The following ULK4 variants were observed in gnomAD, a reference collection of about 807,000 sequenced individuals.
ULK4 encodes the protein unc-51 like kinase 4.
ULK4 carries 133 observed loss-of-function variants against 160.6 expected under a neutral mutation model. The observed-to-expected ratio is 0.83, with a 90% CI of 0.72 to 0.96. The LOEUF (loss-of-function observed/expected upper bound fraction) is 0.96, where lower values mean the gene tolerates loss of function less well. ULK4 is among the 40% of genes least tolerant of loss of function. ULK4 has a pLI of 0.00. For synonymous variants in ULK4, 534 were observed against 539.8 expected (o/e 0.99, Z 0.15); for missense variants, 1,580 against 1,499.5 (o/e 1.05, Z -0.89).
At chr3:41,443,577 C>T (rs2083221547) in intron 34 of ULK4, among the ~76,000 whole-genome samples, 1 of 152,050 alleles carries the variant, frequency 6.6e-6, no homozygotes, top group Non-Finnish European at 1.5e-5. Context: ...GTAATTACTT[C>T]CAGTTAACAT....
intron 30 of ULK4, among the ~76,000 whole-genome samples, chr3:41,650,417 G>A (rs1361915975): frequency 2.0e-5 from 3 of 152,154 alleles, no homozygotes; most frequent in Non-Finnish European, 4.4e-5. Context: ...ACCCTCCTTG[G>A]GGCTCTGGGG....
At chr3:41,414,441 C>T (rs1474561904) in intron 34 of ULK4, among the ~76,000 whole-genome samples, 3 of 150,654 alleles carry the variant, frequency 2.0e-5, no homozygotes, top group Admixed American at 6.6e-5. Flanking sequence ...ATTTACTTTC[C>T]GTTATCCAAT....
At chr3:41,806,354 G>A (rs1304558730) in intron 19 of ULK4, among the ~76,000 whole-genome samples, 2 of 152,046 alleles carry the variant, frequency 1.3e-5, no homozygotes, top group Non-Finnish European at 2.9e-5. Context: ...TTTTTATTGA[G>A]TCTATTTGAT....
At chr3:41,559,291 A>C (rs200123677) in intron 32 of ULK4, among the ~76,000 whole-genome samples, 1 of 118,304 alleles carries the variant, frequency 8.5e-6, no homozygotes, top group Non-Finnish European at 2.0e-5. Context: ...GGACATTTGG[A>C]TTGGTTCCAA....
In ULK4 at chr3:41,550,572, A is replaced by T. The variant is rs144512800; in HGVS notation, c.3226+15453T>A. ...ATCATTACATAACAATAAAGGAATCAATTCAGCAAGAGGATATAACAATTC... is the reference window on the plus strand; with the variant it reads ...ATCATTACATAACAATAAAGGAATCTATTCAGCAAGAGGATATAACAATTC... On this transcript the variant is annotated intron_variant, in intron 32 of 36. Coordinates refer to ENST00000301831, the MANE Select transcript of ULK4 (RefSeq NM_017886.4). 7.7e-3 allele frequency among the ~76,000 whole-genome samples: 1,179 copies of T among 152,184 alleles called. 11 individuals are homozygous for T. Among genetic ancestry groups the T allele is most frequent in the Middle Eastern group, 0.034 (10 of 294 alleles).
At chr3:41,874,070 A>G (rs191786356) in intron 17 of ULK4, among the ~76,000 whole-genome samples, 321 of 152,268 alleles carry the variant, frequency 2.1e-3, no homozygotes, top group African/African-American at 7.5e-3. Flanking sequence ...CATATATCTC[A>G]GAAAGTGCAA....
In ULK4 at chr3:41,696,056, G is replaced by A. The variant is rs142901641; in HGVS notation, c.2781+9001C>T. Among the ~76,000 whole-genome samples the A allele has an allele frequency of 5.8e-3, 884 of 152,304 alleles. 5 individuals are homozygous for A. The highest frequency in any genetic ancestry group is 9.3e-3 in the Admixed American group (143 of 15,300). On this transcript the variant is annotated intron_variant, in intron 27 of 36. Transcript: ENST00000301831. ...CCAAGCGGACCGTGGTCTAGCAGTA[G>A]CCTCAGTGTCAAGGAAAAACACCCA...
chr3:41,521,622 ACTTAT>A (rs2085934792), intron 32 of ULK4, among the ~76,000 whole-genome samples: 1 of 152,136 alleles, frequency 6.6e-6, no homozygotes, highest in African/African-American at 2.4e-5. Context: ...AAATCTAATC[ACTTAT>A]CTTGGATTTC....
intron 35 of ULK4, among the ~76,000 whole-genome samples, chr3:41,271,128 G>A (rs1440831809): frequency 1.3e-5 from 2 of 151,918 alleles, no homozygotes; most frequent in Non-Finnish European, 2.9e-5. Context: ...TTGGATATAC[G>A]TATACAATTG....
At chr3:41,836,875 A>G (rs1369715759) in intron 17 of ULK4, among the ~76,000 whole-genome samples, 1 of 152,188 alleles carries the variant, frequency 6.6e-6, no homozygotes, top group East Asian at 1.9e-4. Flanking sequence ...AGGTTAATCA[A>G]ATCATAGTGC....
rs757130019 is a variant in ULK4, at chr3:41,900,846, A to C, written c.1183-17T>G. 3 of 1,594,210 alleles carry C rather than the reference A, an allele frequency of 1.9e-6. No individual in the cohort carries two copies. Among genetic ancestry groups the C allele is most frequent in the South Asian group, 2.2e-5 (2 of 90,370 alleles). On this transcript the variant is annotated splice_polypyrimidine_tract_variant and intron_variant, in intron 12 of 36. Transcript: ENST00000301831. Reference sequence around the variant, plus strand: ...ACTTGTAATCTGAAATGAGAACAAAAATTAGACTTTGTTTCTGCGACTAAT... The same window carrying C: ...ACTTGTAATCTGAAATGAGAACAAACATTAGACTTTGTTTCTGCGACTAAT...
At chr3:41,700,164 T>C (rs1163531364) in intron 27 of ULK4, among the ~76,000 whole-genome samples, 3 of 152,086 alleles carry the variant, frequency 2.0e-5, no homozygotes, top group Non-Finnish European at 4.4e-5. Context: ...AGATAAAATA[T>C]AAAGACCCTA....
rs2041749154 is a variant in ULK4 at position 41,836,107 on chromosome 3, G to A, written c.1657-136C>T. 4 of 599,598 alleles carry A rather than the reference G, an allele frequency of 6.7e-6. No homozygotes were observed. The African/African-American group carries it at 7.6e-5, about 11-fold the overall frequency. 37.1% of individuals were successfully genotyped at this position (599,598 alleles called of 1,614,324 possible). On this transcript the variant is annotated intron_variant, in intron 17 of 36. Coordinates refer to ENST00000301831, the MANE Select transcript of ULK4 (RefSeq NM_017886.4). ...TTTTCCAAATTATTTTCAAAATATG[G>A]GCCTTATATTCCTGAAAATACAGTA...
Position 41,681,805 on chromosome 3 carries a change from C to A in ULK4, c.2782-1G>T, listed in dbSNP as rs1302614074. On this transcript the variant is annotated splice_acceptor_variant, in intron 27 of 36. Transcript: ENST00000301831. LOFTEE classifies it high-confidence loss of function. Reference sequence around the variant, plus strand: ...AGGGTGGCAGTATATAGTCAACAACCTAAAAGAAAGCATGTAAAAGACTCA... The same window carrying A: ...AGGGTGGCAGTATATAGTCAACAACATAAAAGAAAGCATGTAAAAGACTCA... 1.2e-6 allele frequency: 2 copies of A among 1,613,714 alleles called. No homozygotes were observed. Among genetic ancestry groups the A allele is most frequent in the Non-Finnish European group, 1.7e-6 (2 of 1,179,876 alleles).
chr3:41,582,808 T>C (rs151313337), intron 31 of ULK4, among the ~76,000 whole-genome samples: 7 of 152,396 alleles, frequency 4.6e-5, no homozygotes, highest in African/African-American at 9.6e-5. Context: ...AGGTTAGTAC[T>C]ATTACTGATT....
At chr3:41,577,100 G>A (rs2088217243) in intron 31 of ULK4, among the ~76,000 whole-genome samples, 1 of 152,144 alleles carries the variant, frequency 6.6e-6, no homozygotes, top group Non-Finnish European at 1.5e-5. Context: ...AGAGGTACTA[G>A]TAAATCCTGC....
chr3:41,918,624 T>C (rs1355897907), intron 6 of ULK4, 84 bp from the exon 7 acceptor site: 108 of 654,942 alleles, frequency 1.6e-4, no homozygotes, highest in Admixed American at 2.7e-4. Context: ...TTTTTTGAGA[T>C]GGAGTCTTGC....
chr3:41,659,666 C>G (rs897118349), intron 30 of ULK4, among the ~76,000 whole-genome samples: 4 of 143,568 alleles, frequency 2.8e-5, no homozygotes, highest in Admixed American at 1.4e-4. Flanking sequence ...AGAAATTTGG[C>G]CATATTAAAA....
chr3:41,667,827 A>G (rs1300443397), intron 29 of ULK4, among the ~76,000 whole-genome samples: 1 of 152,222 alleles, frequency 6.6e-6, no homozygotes, highest in African/African-American at 2.4e-5. Flanking sequence ...ATTCCAAAGA[A>G]GAGAAAATCC....
Sources: allele counts gnomAD v4.1 joint callset (sites outside exome capture counted in the v4.1 genomes callset), GRCh38; gene constraint gnomAD v4.1.1; transcripts MANE v1.5; gene names NCBI Gene and HGNC (gene_info 2026-07-23, HGNC 2026-07-21).